The following SWT1 variants were observed in gnomAD, a reference collection of about 807,000 sequenced individuals.
SWT1 encodes the protein SWT1 RNA endoribonuclease homolog, also known as transcriptional protein SWT1.
SWT1 carries 33 observed loss-of-function variants against 107.3 expected under a neutral mutation model. The ratio of observed to expected loss-of-function variants is 0.31; its 90% confidence interval spans 0.23 to 0.41. SWT1 has a LOEUF of 0.41. SWT1 is among the 10% of genes least tolerant of loss of function. The pLI is 1.00. For missense variants in SWT1, 898 were observed against 1,028.9 expected (o/e 0.87, Z 1.74); for synonymous variants, 345 against 348.3 (o/e 0.99, Z 0.11).
chr1:185,181,894 G>T, intron 6 of SWT1, 52 bp from the exon 7 acceptor site: 1 of 1,598,136 alleles, frequency 6.3e-7, no homozygotes, highest in Non-Finnish European at 8.6e-7. Flanking sequence ...TTCCTCTCTT[G>T]TCAGTCTGCA....
intron 10 of SWT1, among the ~76,000 whole-genome samples, chr1:185,197,428 T>G (rs1174959744): frequency 6.6e-6 from 1 of 152,106 alleles, no homozygotes; most frequent in Non-Finnish European, 1.5e-5. Context: ...AATTTTCTTT[T>G]TTGTTGCATC....
At chr1:185,191,627 TTCTA>T (rs1656956412) in intron 10 of SWT1, among the ~76,000 whole-genome samples, 1 of 152,182 alleles carries the variant, frequency 6.6e-6, no homozygotes, top group Non-Finnish European at 1.5e-5. Context: ...TATTGGAGCT[TTCTA>T]TCTATGAGTT....
At chr1:185,221,550 C>A (rs754032124) in intron 14 of SWT1, among the ~76,000 whole-genome samples, 4 of 152,182 alleles carry the variant, frequency 2.6e-5, no homozygotes, top group South Asian at 4.1e-4. Flanking sequence ...TAGGGGTCCT[C>A]TATCTCTTTC....
Position 185,167,563 on chromosome 1 carries a change from C to T in SWT1, c.166-777C>T, listed in dbSNP as rs565456195. ...TATTTATTTTTGCAATATTAACCTT[C>T]TTGAAACACCGATTTCATCCCATTT... On this transcript the variant is annotated intron_variant, in intron 3 of 18. Transcript: ENST00000367500. Among the ~76,000 whole-genome samples the T allele has an allele frequency of 2.4e-4, 36 of 152,300 alleles. No individual in the cohort carries two copies. In the South Asian group the frequency reaches 7.5e-3, roughly 32 times the overall value.
intron 13 of SWT1, among the ~76,000 whole-genome samples, chr1:185,212,803 C>CAAA (rs71555460): frequency 1.5e-5 from 2 of 130,378 alleles, no homozygotes; most frequent in African/African-American, 2.7e-5. Flanking sequence ...AACTCTGTCT[C>CAAA]AAAAAAAAAA....
At chr1:185,219,183 G>A (rs1427710277) in intron 14 of SWT1, among the ~76,000 whole-genome samples, 1 of 152,098 alleles carries the variant, frequency 6.6e-6, no homozygotes, top group Non-Finnish European at 1.5e-5. Flanking sequence ...ATAAAGAAGG[G>A]TAACATTTAC....
chr1:185,288,325 TGCCTCA>T (rs1665064163), intron 18 of SWT1, among the ~76,000 whole-genome samples: 1 of 152,222 alleles, frequency 6.6e-6, no homozygotes, highest in African/African-American at 2.4e-5. Flanking sequence ...ATGATCCTGC[TGCCTCA>T]GCCTTCTGAG....
intron 15 of SWT1, among the ~76,000 whole-genome samples, chr1:185,228,772 A>G (rs746600256): frequency 1.2e-4 from 19 of 152,218 alleles, no homozygotes; most frequent in African/African-American, 2.4e-5. Flanking sequence ...AGTGTTCAAG[A>G]AAACCTTCAG....
At chr1:185,254,660 T>G (rs1424217216) in intron 16 of SWT1, among the ~76,000 whole-genome samples, 4 of 152,100 alleles carry the variant, frequency 2.6e-5, no homozygotes, top group Non-Finnish European at 5.9e-5. Flanking sequence ...TCTATTTGAT[T>G]CTTCTTTCTT....
intron 13 of SWT1, among the ~76,000 whole-genome samples, chr1:185,212,084 A>T (rs1178560390): frequency 6.6e-6 from 1 of 152,140 alleles, no homozygotes; most frequent in African/African-American, 2.4e-5. Flanking sequence ...GAGGGACAGC[A>T]TTAGGAGATA....
At position 185,204,749 on chromosome 1, in the gene SWT1, A is replaced by G; in HGVS notation, c.1719A>G (p.Gly573=). Residue 573 remains glycine, a synonymous_variant, in exon 12 of 19, where the codon GGA becomes GGG. Transcript: ENST00000367500. ...ESYKEESTNS[G]LSILLESIVS... Reference sequence around the variant, plus strand: ...ATAAGGAGGAATCTACAAATTCTGGACTGTCCATTCTGCTTGAGAGCATTG... The same window carrying G: ...ATAAGGAGGAATCTACAAATTCTGGGCTGTCCATTCTGCTTGAGAGCATTG... 1 of 1,600,750 alleles carries G rather than the reference A, an allele frequency of 6.2e-7. No individual in the cohort carries two copies. Among genetic ancestry groups the G allele is most frequent in the East Asian group, 2.3e-5 (1 of 43,922 alleles).
At chr1:185,205,075 A>T (rs2890041) in intron 12 of SWT1, among the ~76,000 whole-genome samples, 34,403 of 151,836 alleles carry the variant, frequency 0.23, 3,998 homozygotes, top group South Asian at 0.31. Flanking sequence ...TTTTTTGAGC[A>T]AACAGATATT....
Position 185,204,851 on chromosome 1 carries a change from C to T in SWT1, c.1821C>T (p.Asn607=). Residue 607 remains asparagine (N), a synonymous_variant, in exon 12 of 19, where the codon AAC becomes AAT. Coordinates refer to ENST00000367500, the MANE Select transcript of SWT1 (RefSeq NM_017673.7). Reference sequence around the variant, plus strand: ...CAGAAATGAAAATTGCTTTTGGAAACCTTTGGATGGAGGTGATTAGTTGAA... The same window carrying T: ...CAGAAATGAAAATTGCTTTTGGAAATCTTTGGATGGAGGTGATTAGTTGAA... ...LETEMKIAFG[N]LWMEILYLKP... 6.4e-7 allele frequency: 1 copy of T among 1,570,988 alleles called. No homozygotes were observed. The highest frequency in any genetic ancestry group is 8.6e-7 in the Non-Finnish European group (1 of 1,161,882).
rs376924441 is a variant in SWT1 at position 185,217,985 on chromosome 1, C to T, written c.2121+3330C>T. On this transcript the variant is annotated intron_variant, in intron 14 of 18. Transcript: ENST00000367500. ...GTTTGAATCATCCTGAAACCATCCTCCCGCTTACCCGTCCATGGAAAAATT... is the reference window on the plus strand; with the variant it reads ...GTTTGAATCATCCTGAAACCATCCTTCCGCTTACCCGTCCATGGAAAAATT... Among the ~76,000 whole-genome samples, 9 of 152,326 alleles carry T rather than the reference C, an allele frequency of 5.9e-5. 1 individual carries two copies. The highest frequency in any genetic ancestry group is 1.4e-4 in the African/African-American group (6 of 41,574).
At chr1:185,248,696 A>G (rs893665473) in intron 16 of SWT1, among the ~76,000 whole-genome samples, 1 of 151,802 alleles carries the variant, frequency 6.6e-6, no homozygotes, top group Non-Finnish European at 1.5e-5. Context: ...TATGGAAAAT[A>G]TCCTTCATTT....
rs76415083 is a variant in SWT1 at position 185,208,187 on chromosome 1, A to G, written c.1972+1424A>G. Among the ~76,000 whole-genome samples, 903 of 152,336 alleles carry G rather than the reference A, an allele frequency of 5.9e-3. 34 individuals are homozygous for G. The East Asian group carries it at 0.096, about 16-fold the overall frequency. On this transcript the variant is annotated intron_variant, in intron 13 of 18. Transcript: ENST00000367500. Reference sequence around the variant, plus strand: ...AATCATTATTGCAGCACTTGAGCCCAGATTCTAACCTTAAAATCTTCATAG... The same window carrying G: ...AATCATTATTGCAGCACTTGAGCCCGGATTCTAACCTTAAAATCTTCATAG...
chr1:185,281,432 T>G (rs1664610144), intron 18 of SWT1: 1 of 209,066 alleles, frequency 4.8e-6, no homozygotes, highest in African/African-American at 2.3e-5. Context: ...TCAAAGACAC[T>G]ACCGTGGGTA....
chr1:185,215,673 G>C (rs1306406756), intron 14 of SWT1, among the ~76,000 whole-genome samples: 2 of 152,110 alleles, frequency 1.3e-5, no homozygotes, highest in African/African-American at 4.8e-5. Flanking sequence ...CGAATAGCTG[G>C]GTCTACAGGC....
chr1:185,188,263 T>C (rs1402463824), intron 9 of SWT1, among the ~76,000 whole-genome samples: 1 of 152,228 alleles, frequency 6.6e-6, no homozygotes, highest in African/African-American at 2.4e-5. Flanking sequence ...GTCTTACAGT[T>C]GATTTTTCTG....
Sources: allele counts gnomAD v4.1 joint callset (sites outside exome capture counted in the v4.1 genomes callset), GRCh38; gene constraint gnomAD v4.1.1; transcripts MANE v1.5; gene names NCBI Gene and HGNC (gene_info 2026-07-23, HGNC 2026-07-21).